The following KCNS3 variants were observed in gnomAD, a reference collection of about 807,000 sequenced individuals.
KCNS3 encodes delayed-rectifier potassium channel regulatory subunit KCNS3.
Under a neutral mutation model 31.0 loss-of-function variants are expected in KCNS3, and 13 were observed. The ratio of observed to expected loss-of-function variants is 0.42; its 90% CI spans 0.27 to 0.67. KCNS3 has a LOEUF of 0.67. Among genes scored for constraint, KCNS3 ranks in the 30% least tolerant of loss-of-function variants. The pLI, the probability that KCNS3 is intolerant of heterozygous loss-of-function variation, is 0.25. For synonymous variants in KCNS3, 238 were observed against 241.5 expected, an observed-to-expected ratio of 0.99 and a Z score of 0.13; for missense variants, 545 against 622.4, an observed-to-expected ratio of 0.88 and a Z score of 1.32.
intron 1 of KCNS3, among the ~76,000 whole-genome samples, chr2:17,902,193 G>C (rs16984043): frequency 0.17 from 25,466 of 152,108 alleles, 2,865 homozygotes; most frequent in East Asian, 0.43. Flanking sequence ...GTGTCCTTTC[G>C]GTTTGGTCAC....
intron 1 of KCNS3, among the ~76,000 whole-genome samples, chr2:17,911,093 A>G (rs148696631): frequency 6.6e-6 from 1 of 152,226 alleles, no homozygotes; most frequent in African/African-American, 2.4e-5. Flanking sequence ...CTACCTATTC[A>G]TGTAGCTGTC....
intron 1 of KCNS3, among the ~76,000 whole-genome samples, chr2:17,902,515 G>A (rs1217637015): frequency 6.6e-6 from 1 of 152,114 alleles, no homozygotes; most frequent in Non-Finnish European, 1.5e-5. Context: ...TCTAAAACTG[G>A]TGGTTTTTAT....
chr2:17,931,851 T>G lies in KCNS3; in HGVS notation c.843T>G (p.Asp281Glu). The G allele has an allele frequency of 2.5e-6, 4 of 1,614,162 alleles. No homozygotes were observed. Among genetic ancestry groups the G allele is most frequent in the Non-Finnish European group, 3.4e-6 (4 of 1,180,020 alleles). The change falls in exon 3 of 3, where the codon GAT becomes GAG. Residue 281 changes from aspartate (D) to glutamate (E), a missense_variant. By Grantham distance (45) the Asp-to-Glu change is conservative (BLOSUM62 2). Transcript: ENST00000304101. The surrounding 1 kb of genome is among the most constrained non-coding windows in gnomAD (Gnocchi z 5.4). ...ACACCAAGGAGGAAGAGAGTGAGGATATTGAGAACATGGGCAAGGTGGTCC... is the reference window on the plus strand; with the variant it reads ...ACACCAAGGAGGAAGAGAGTGAGGAGATTGAGAACATGGGCAAGGTGGTCC... The part of the protein sequence containing the change: ...AVDTKEEESE[D>E]IENMGKVVQI...
chr2:17,911,791 T>A (rs891713600), intron 1 of KCNS3, among the ~76,000 whole-genome samples: 1 of 152,254 alleles, frequency 6.6e-6, no homozygotes, highest in Non-Finnish European at 1.5e-5. Flanking sequence ...TGAAGAATTA[T>A]TGTTTGGATT....
intron 1 of KCNS3, among the ~76,000 whole-genome samples, chr2:17,901,661 A>T (rs1056528346): frequency 2.6e-5 from 4 of 152,052 alleles, no homozygotes; most frequent in Non-Finnish European, 5.9e-5. Flanking sequence ...AGGCACAAGG[A>T]GGAGGCCATG....
intron 1 of KCNS3, among the ~76,000 whole-genome samples, chr2:17,893,726 A>G (rs1401913804): frequency 6.6e-6 from 1 of 152,054 alleles, no homozygotes; most frequent in East Asian, 1.9e-4. Flanking sequence ...AGGAGGGTCT[A>G]CCTTTCCCAC....
Position 17,878,712 on chromosome 2 carries a change from G to T in KCNS3, c.-346G>T, listed in dbSNP as rs1234750091. 1 of 150,790 alleles carries T rather than the reference G, an allele frequency of 6.6e-6. No homozygotes were observed. The highest frequency in any genetic ancestry group is 1.5e-5 in the Non-Finnish European group (1 of 67,534). 9.3% of individuals were successfully genotyped at this position (150,790 alleles called of 1,614,324 possible). A position where few individuals can be genotyped will look rare whatever the true frequency, so the allele number is the denominator to read the frequency against. On this transcript the variant is annotated 5_prime_UTR_variant, in exon 1 of 3. Transcript: ENST00000304101. The stretch of plus-strand genomic sequence containing the variant: ...CCCCGCTCTCCTCGCCGCCGCGGCG[G>T]CAGGCGCGGGGCCGCGCCGCGAGGC...
intron 1 of KCNS3, among the ~76,000 whole-genome samples, chr2:17,908,356 T>C (rs1052647388): frequency 6.6e-6 from 1 of 152,246 alleles, no homozygotes; most frequent in Non-Finnish European, 1.5e-5. Flanking sequence ...TCGTTAGCCA[T>C]TCTTCTAATC....
intron 1 of KCNS3, among the ~76,000 whole-genome samples, chr2:17,888,425 C>T (rs1237740223): frequency 1.3e-5 from 2 of 151,492 alleles, no homozygotes; most frequent in Non-Finnish European, 2.9e-5. Flanking sequence ...CATTCTCCTA[C>T]AGGTGGCTAC....
chr2:17,922,677 C>T (rs1199254959), intron 2 of KCNS3, among the ~76,000 whole-genome samples: 1 of 152,058 alleles, frequency 6.6e-6, no homozygotes, highest in African/African-American at 2.4e-5. Context: ...CCCCCAGCCC[C>T]CAGCAACCAC....
chr2:17,932,610 A>G lies in KCNS3; in HGVS notation c.*126A>G. Reference sequence around the variant, plus strand: ...GTGTACCTTTCAGCCATAGTTGGACATTCATTGCTGAATTCTGAAATGATA... The same window carrying G: ...GTGTACCTTTCAGCCATAGTTGGACGTTCATTGCTGAATTCTGAAATGATA... On this transcript the variant is annotated 3_prime_UTR_variant, in exon 3 of 3. Transcript: ENST00000304101. 4.1e-6 allele frequency: 4 copies of G among 968,228 alleles called. No individual in the cohort carries two copies. Among genetic ancestry groups the G allele is most frequent in the Non-Finnish European group, 6.1e-6 (4 of 655,938 alleles). The allele number at this position is 968,228 out of a possible 1,614,324, so 60.0% of individuals were successfully genotyped here.
chr2:17,897,039 C>G (rs1272113845), intron 1 of KCNS3, among the ~76,000 whole-genome samples: 4 of 151,748 alleles, frequency 2.6e-5, no homozygotes, highest in African/African-American at 9.7e-5. Flanking sequence ...CCCTTGCCCC[C>G]CTTGCTACCT....
chr2:17,922,303 A>T (rs1411518632), intron 2 of KCNS3, among the ~76,000 whole-genome samples: 1 of 151,680 alleles, frequency 6.6e-6, no homozygotes, highest in Non-Finnish European at 1.5e-5. Context: ...TTATTATGAG[A>T]TTTGAGTTCT....
chr2:17,923,201 G>A (rs1197378094), intron 2 of KCNS3, among the ~76,000 whole-genome samples: 1 of 152,042 alleles, frequency 6.6e-6, no homozygotes, highest in East Asian at 1.9e-4. Flanking sequence ...ATTTTGATTT[G>A]CATTTTCCTA....
chr2:17,892,476 C>G (rs1252100626), intron 1 of KCNS3, among the ~76,000 whole-genome samples: 2 of 151,972 alleles, frequency 1.3e-5, no homozygotes, highest in African/African-American at 4.8e-5. Flanking sequence ...TGCTGGTGAA[C>G]TAGTGTGATT....
chr2:17,922,547 A>C (rs1486694814), intron 2 of KCNS3, among the ~76,000 whole-genome samples: 1 of 152,128 alleles, frequency 6.6e-6, no homozygotes, highest in African/African-American at 2.4e-5. Context: ...CTACCTTTTT[A>C]AAAATGGGTT....
intron 1 of KCNS3, among the ~76,000 whole-genome samples, chr2:17,901,776 G>A (rs1662181132): frequency 6.6e-6 from 1 of 151,946 alleles, no homozygotes; most frequent in Non-Finnish European, 1.5e-5. Context: ...AAAACAGGAA[G>A]AACCATAGTT....
intron 2 of KCNS3, among the ~76,000 whole-genome samples, chr2:17,922,074 G>T: frequency 6.7e-6 from 1 of 150,288 alleles, no homozygotes; most frequent in Non-Finnish European, 1.5e-5. Flanking sequence ...TGTCCTGTAT[G>T]GTTTCCCAGT....
At chr2:17,890,722 T>G (rs1661831788) in intron 1 of KCNS3, among the ~76,000 whole-genome samples, 1 of 152,226 alleles carries the variant, frequency 6.6e-6, no homozygotes, top group African/African-American at 2.4e-5. Context: ...AATTTCCATG[T>G]ATTTGCATGG....
Sources: gnomAD v4.1 joint callset for allele counts (sites outside exome capture counted in the v4.1 genomes callset) on GRCh38, gnomAD v4.1.1 for gene constraint, Gnocchi (gnomAD v3.1) non-coding constraint, MANE v1.5 for transcripts, NCBI Gene and HGNC (gene_info 2026-07-23, HGNC 2026-07-21) for gene names.